Variants in KIF20B observed in about 807,000 individuals in gnomAD.
The protein encoded by KIF20B is kinesin family member 20B.
Under a neutral mutation model 232.5 loss-of-function variants are expected in KIF20B, and 188 were observed. The observed-to-expected ratio is 0.81, with a 90% CI of 0.72 to 0.91. The LOEUF is 0.91. KIF20B is among the 40% of genes least tolerant of loss of function. The probability of loss-of-function intolerance (pLI) is 0.00; values close to 1 mark genes in which losing one functional copy is unlikely to be tolerated. For synonymous variants in KIF20B, 712 were observed against 683.0 expected (o/e 1.04, Z -0.66); for missense variants, 2,154 against 2,055.9 (o/e 1.05, Z -0.92).
intron 25 of KIF20B, among the ~76,000 whole-genome samples, chr10:89,753,806 G>A (rs1021056226): frequency 2.6e-5 from 4 of 152,084 alleles, no homozygotes; most frequent in African/African-American, 9.7e-5. Context: ...TATTAGTAGA[G>A]ATGGGGTTTC....
chr10:89,757,147 G>A (rs1842146205), intron 26 of KIF20B, among the ~76,000 whole-genome samples: 1 of 150,480 alleles, frequency 6.6e-6, no homozygotes, highest in Admixed American at 6.6e-5. Flanking sequence ...TTTCGAAGCA[G>A]TTGTACCCAT....
intron 11 of KIF20B, 46 bp from the exon 12 acceptor site, chr10:89,718,664 G>T: frequency 6.9e-7 from 1 of 1,442,774 alleles, no homozygotes; most frequent in South Asian, 1.2e-5. Context: ...CTGATTTCAT[G>T]AGATGTTTTT....
At chr10:89,709,827 A>C (rs1480320410) in intron 4 of KIF20B, 100 bp from the exon 5 acceptor site, 4 of 936,582 alleles carry the variant, frequency 4.3e-6, no homozygotes, top group Non-Finnish European at 1.5e-6. Flanking sequence ...TATTTTAAGA[A>C]TGAATCTTTT....
chr10:89,724,139 G>T lies in KIF20B; in HGVS notation c.1862+36G>T, dbSNP rs771989898. The T allele has an allele frequency of 4.2e-6, 6 of 1,420,508 alleles. No homozygotes were observed. The African/African-American group carries it at 5.9e-5, about 14-fold the overall frequency. The allele number at this position is 1,420,508 out of a possible 1,614,324, so 88.0% of individuals were successfully genotyped here. ...TATTTCATGTCCAGGTAAAAATTGA[G>T]AATTTTATTTAGTTTTTTAGTTTTT... On this transcript the variant is annotated intron_variant, in intron 14 of 32. Transcript: ENST00000371728.
intron 13 of KIF20B, among the ~76,000 whole-genome samples, chr10:89,721,560 C>T (rs117258595): frequency 0.027 from 4,075 of 152,170 alleles, 360 homozygotes; most frequent in East Asian, 0.27. Flanking sequence ...GTCCCAGCTA[C>T]TTGGGAGGCT....
intron 11 of KIF20B, among the ~76,000 whole-genome samples, chr10:89,718,435 T>G (rs1412658028): frequency 6.6e-6 from 1 of 152,146 alleles, no homozygotes; most frequent in Non-Finnish European, 1.5e-5. Context: ...CGCTTGAGCC[T>G]AAGATGTTGA....
intron 14 of KIF20B, 42 bp downstream of exon 14, chr10:89,724,145 T>C (rs775297025): frequency 2.1e-6 from 3 of 1,416,024 alleles, no homozygotes; most frequent in South Asian, 3.7e-5. Flanking sequence ...TTGAGAATTT[T>C]ATTTAGTTTT....
In KIF20B at chr10:89,762,848, G is replaced by C. The variant is rs3740038; in HGVS notation, c.4989+13G>C. The C allele has an allele frequency of 0.75, 1,160,362 of 1,551,408 alleles. 437,937 individuals are homozygous for C. The highest frequency in any genetic ancestry group is 0.94 in the East Asian group (41,671 of 44,524). On this transcript the variant is annotated intron_variant, in intron 29 of 32. Transcript: ENST00000371728. ...TGAAATGGAGGAGGTAAATACTTAAGTGATGAGTAAATTTAATGAACAAAT... is the reference window on the plus strand; with the variant it reads ...TGAAATGGAGGAGGTAAATACTTAACTGATGAGTAAATTTAATGAACAAAT...
At chr10:89,726,237 A>C (rs1184798922) in intron 15 of KIF20B, 56 bp from the exon 16 acceptor site, 2 of 1,447,696 alleles carry the variant, frequency 1.4e-6, no homozygotes, top group Non-Finnish European at 1.8e-6. Flanking sequence ...ATGGTACCAC[A>C]TGTAAAGGGT....
At chr10:89,767,411 TAG>T (rs1247870857) in intron 29 of KIF20B, among the ~76,000 whole-genome samples, 1 of 144,980 alleles carries the variant, frequency 6.9e-6, no homozygotes, top group Non-Finnish European at 1.5e-5. Flanking sequence ...TGTGTGGAGG[TAG>T]CCTCATGGTC....
chr10:89,764,790 A>G (rs1282232290), intron 29 of KIF20B, among the ~76,000 whole-genome samples: 1 of 151,562 alleles, frequency 6.6e-6, no homozygotes, highest in Non-Finnish European at 1.5e-5. Flanking sequence ...TAGATTCTGG[A>G]TATTAGCCCT....
At chr10:89,705,511 C>T in intron 2 of KIF20B, 70 bp downstream of exon 2, 1 of 1,399,068 alleles carries the variant, frequency 7.1e-7, no homozygotes, top group South Asian at 1.3e-5. Context: ...AAACAATGGC[C>T]TGTTTTTGTA....
At chr10:89,713,729 T>C (rs1236251494) in intron 6 of KIF20B, among the ~76,000 whole-genome samples, 3 of 152,220 alleles carry the variant, frequency 2.0e-5, no homozygotes, top group Non-Finnish European at 4.4e-5. Context: ...CATCAAATGT[T>C]GTAAACAATT....
At chr10:89,729,032 G>T in intron 17 of KIF20B, 96 bp from the exon 18 acceptor site, 2 of 1,071,798 alleles carry the variant, frequency 1.9e-6, no homozygotes, top group Non-Finnish European at 1.2e-6. Flanking sequence ...TTTAAAATTT[G>T]AAGGAATTAT....
intron 29 of KIF20B, 37 bp downstream of exon 29, chr10:89,762,872 A>G (rs1430008888): frequency 1.4e-6 from 2 of 1,422,228 alleles, no homozygotes; most frequent in African/African-American, 1.4e-5. Context: ...TAATGAACAA[A>G]TCTTATTATA....
chr10:89,760,854 G>C lies in KIF20B; in HGVS notation c.4791+218G>C, dbSNP rs572693943. 5.3e-5 allele frequency among the ~76,000 whole-genome samples: 8 copies of C among 152,274 alleles called. No homozygotes were observed. In the East Asian group the frequency reaches 1.5e-3, roughly 29 times the overall value. ...ATCTCATCTTAAAAGCAGTAGATTT[G>C]TTAATAGAAACAAACTTGATGGTCA... On this transcript the variant is annotated intron_variant, in intron 28 of 32. Transcript: ENST00000371728.
intron 19 of KIF20B, among the ~76,000 whole-genome samples, chr10:89,734,931 A>G (rs1841616047): frequency 6.6e-6 from 1 of 152,250 alleles, no homozygotes; most frequent in African/African-American, 2.4e-5. Flanking sequence ...ATAATACCCC[A>G]GAACACTAAT....
At position 89,729,222 on chromosome 10, in the gene KIF20B, A is replaced by G; in HGVS notation, c.2366A>G (p.His789Arg). 2.0e-6 allele frequency: 3 copies of G among 1,487,570 alleles called. No individual in the cohort carries two copies. Among genetic ancestry groups the G allele is most frequent in the South Asian group, 2.5e-5 (2 of 78,772 alleles). 92.1% of individuals were successfully genotyped at this position (1,487,570 alleles called of 1,614,324 possible). A position where few individuals can be genotyped will look rare whatever the true frequency, so the allele number is the denominator to read the frequency against. The change falls in exon 18 of 33, where the codon CAT (histidine) becomes CGT (arginine). Residue 789 changes from histidine (H) to arginine (R), a missense_variant. Transcript: ENST00000371728. ...TINEFQNLKS[H>R]MENTFKCNDK... ...AACGAATTTCAGAACCTAAAGTCTC[A>G]TATGGAAAACACATTTAAATGCAAT... is the stretch of plus-strand genomic sequence containing the variant.
At chr10:89,720,951 C>T (rs1344075691) in intron 13 of KIF20B, among the ~76,000 whole-genome samples, 5 of 152,164 alleles carry the variant, frequency 3.3e-5, no homozygotes, top group South Asian at 2.1e-4. Context: ...CTTGCGATTG[C>T]CCGCCTCGGC....
Sources: gnomAD v4.1 joint callset for allele counts (sites outside exome capture counted in the v4.1 genomes callset) on GRCh38, gnomAD v4.1.1 for gene constraint, MANE v1.5 for transcripts, NCBI Gene and HGNC (gene_info 2026-07-23, HGNC 2026-07-21) for gene names.